The following KIRREL3 variants were observed in gnomAD, a reference collection of about 807,000 sequenced individuals.
KIRREL3 encodes the protein kin of IRRE-like protein 3.
A neutral mutation model predicts 89.7 loss-of-function variants in KIRREL3; 36 were observed. That is an observed-to-expected ratio of 0.40 (90% CI 0.31 to 0.53). The LOEUF (loss-of-function observed/expected upper bound fraction) is 0.53, where lower values mean the gene tolerates loss of function less well. KIRREL3 is among the 20% of genes least tolerant of loss of function. The probability of loss-of-function intolerance (pLI) is 0.49; values close to 1 mark genes in which losing one functional copy is unlikely to be tolerated. For synonymous variants in KIRREL3, 445 were observed against 441.4 expected, an observed-to-expected ratio of 1.01 and a Z score of -0.10; for missense variants, 864 against 1,056.6, an observed-to-expected ratio of 0.82 and a Z score of 2.53.
Position 126,918,385 on chromosome 11 carries a change from G to A in KIRREL3, c.55+82070C>T, listed in dbSNP as rs765643471. Among the ~76,000 whole-genome samples, 46 of 152,306 alleles carry A rather than the reference G, an allele frequency of 3.0e-4. 1 individual carries two copies. In the Middle Eastern group the frequency reaches 0.01, roughly 34 times the overall value. ...TGGCAATTTGGTGCCGAATATTTAC[G>A]ACAGTGCTTTAGACCATCCAGGTAG... On this transcript the variant is annotated intron_variant, in intron 1 of 16. Coordinates refer to ENST00000525144, the MANE Select transcript of KIRREL3 (RefSeq NM_032531.4). The surrounding 1 kb of genome is among the most constrained non-coding windows in gnomAD (Gnocchi z 6.5).
In KIRREL3 at chr11:126,535,389, T is replaced by C. The variant is rs967027522; in HGVS notation, c.134-8702A>G. Among the ~76,000 whole-genome samples the C allele has an allele frequency of 4.6e-5, 7 of 152,140 alleles. No individual in the cohort carries two copies. The highest frequency in any genetic ancestry group is 1.7e-4 in the African/African-American group (7 of 41,420). On this transcript the variant is annotated intron_variant, in intron 2 of 16. Transcript: ENST00000525144. The surrounding 1 kb of genome is among the most constrained non-coding windows in gnomAD (Gnocchi z 4.5). ...GTCCCCACCAACTTCCAGTGAAACA[T>C]TGAAATGCAGAAGACCCCATGTTTC...
chr11:126,591,046 TA>T (rs1354581847), intron 1 of KIRREL3, among the ~76,000 whole-genome samples: 1 of 152,132 alleles, frequency 6.6e-6, no homozygotes, highest in Non-Finnish European at 1.5e-5. Flanking sequence ...GGTTACACGG[TA>T]AAATTACGTC....
At chr11:126,451,483 TGC>T (rs1399352306) in intron 7 of KIRREL3, among the ~76,000 whole-genome samples, 26 of 149,804 alleles carry the variant, frequency 1.7e-4, no homozygotes, top group African/African-American at 6.5e-4. Context: ...CATGTGTGTG[TGC>T]GCATGTGTGT....
In KIRREL3 at chr11:126,512,572, C is replaced by T. The variant is rs187672240; in HGVS notation, c.433+8743G>A. Among the ~76,000 whole-genome samples the T allele has an allele frequency of 8.2e-4, 125 of 152,256 alleles. 1 individual carries two copies. Among genetic ancestry groups the T allele is most frequent in the African/African-American group, 2.7e-3 (112 of 41,558 alleles). On this transcript the variant is annotated intron_variant, in intron 4 of 16. Transcript: ENST00000525144. ...GGGCCTCCTCCAGGCAGCTGCCCCC[C>T]GCATGTTATAGGAAGGGGCTTAGAT...
chr11:126,437,050 G>A (rs1389560245), intron 11 of KIRREL3, 41 bp from the exon 12 acceptor site: 1 of 1,474,094 alleles, frequency 6.8e-7, no homozygotes, highest in Non-Finnish European at 9.1e-7. Context: ...CCCACCAGAG[G>A]GGCCCAGGAC....
In KIRREL3 at chr11:126,696,605, A is replaced by G. The variant is rs1315627127; in HGVS notation, c.56-133693T>C. 3.9e-5 allele frequency among the ~76,000 whole-genome samples: 6 copies of G among 152,114 alleles called. 1 individual carries two copies. Among genetic ancestry groups the G allele is most frequent in the Admixed American group, 3.9e-4 (6 of 15,280 alleles). The stretch of plus-strand genomic sequence containing the variant: ...ACGTGATCCCCAAACGTTGCTGATC[A>G]ACACACCACAGCTGGAATCCACAGA... On this transcript the variant is annotated intron_variant, in intron 1 of 16. Transcript: ENST00000525144. The surrounding 1 kb of genome is among the most constrained non-coding windows in gnomAD (Gnocchi z 4.4).
intron 1 of KIRREL3, among the ~76,000 whole-genome samples, chr11:126,810,687 G>A (rs1951354676): frequency 6.6e-6 from 1 of 152,140 alleles, no homozygotes; most frequent in African/African-American, 2.4e-5. Flanking sequence ...CATTGAAGAG[G>A]GAAATTGCTT....
chr11:126,944,052 A>G (rs1784329), intron 1 of KIRREL3, among the ~76,000 whole-genome samples: 135,198 of 152,092 alleles, frequency 0.89, 60,262 homozygotes, highest in Middle Eastern at 0.96. Flanking sequence ...CCTACCCGGA[A>G]GAAAGGAAGA....
At chr11:126,451,335 T>TGTATGCATGTGTGAGC (rs1555109138) in intron 7 of KIRREL3, among the ~76,000 whole-genome samples, 1 of 141,088 alleles carries the variant, frequency 7.1e-6, no homozygotes, top group Non-Finnish European at 1.5e-5. Flanking sequence ...CATTAGTGAG[T>TGTATGCATGTGTGAGC]GTGTGCATGT....
chr11:126,784,353 T>G (rs577742106), intron 1 of KIRREL3, among the ~76,000 whole-genome samples: 1 of 152,296 alleles, frequency 6.6e-6, no homozygotes, highest in East Asian at 1.9e-4. Flanking sequence ...TTTTGCAACT[T>G]TTATGTATGT....
chr11:126,773,436 C>T lies in KIRREL3; in HGVS notation c.56-210524G>A, dbSNP rs1487215170. On this transcript the variant is annotated intron_variant, in intron 1 of 16. Transcript: ENST00000525144. The surrounding 1 kb of genome is among the most constrained non-coding windows in gnomAD (Gnocchi z 4.2). ...CTGGGTCTCAGGTCTGACAGCCAAC[C>T]CTGCAGATTTTGGACTTACCAGTCT... Among the ~76,000 whole-genome samples, 1 of 152,198 alleles carries T rather than the reference C, an allele frequency of 6.6e-6. No individual in the cohort carries two copies. Among genetic ancestry groups the T allele is most frequent in the East Asian group, 1.9e-4 (1 of 5,198 alleles).
intron 1 of KIRREL3, among the ~76,000 whole-genome samples, chr11:126,598,360 T>C (rs1201732278): frequency 6.6e-6 from 1 of 152,230 alleles, no homozygotes; most frequent in Non-Finnish European, 1.5e-5. Flanking sequence ...ATTGTTGGTG[T>C]GGCAGGTTAC....
In KIRREL3 at chr11:126,605,703, T is replaced by C. The variant is rs961054765; in HGVS notation, c.56-42791A>G. Reference sequence around the variant, plus strand: ...CCACACATATCCGTCATGCTGGGCCTGGAGCTGTGCGTCCCGCCTGAGTTG... The same window carrying C: ...CCACACATATCCGTCATGCTGGGCCCGGAGCTGTGCGTCCCGCCTGAGTTG... On this transcript the variant is annotated intron_variant, in intron 1 of 16. Coordinates refer to ENST00000525144, the MANE Select transcript of KIRREL3 (RefSeq NM_032531.4). The surrounding 1 kb of genome is among the most constrained non-coding windows in gnomAD (Gnocchi z 5.7). Among the ~76,000 whole-genome samples, 1 of 152,200 alleles carries C rather than the reference T, an allele frequency of 6.6e-6. No individual in the cohort carries two copies. Among genetic ancestry groups the C allele is most frequent in the Non-Finnish European group, 1.5e-5 (1 of 68,018 alleles).
At chr11:126,447,216 C>T (rs1048918108) in intron 8 of KIRREL3, among the ~76,000 whole-genome samples, 5 of 152,230 alleles carry the variant, frequency 3.3e-5, no homozygotes, top group Non-Finnish European at 5.9e-5. Context: ...ATCCCCTTCC[C>T]TCTGTCTGGA....
At chr11:126,800,505 T>G (rs1950997768) in intron 1 of KIRREL3, among the ~76,000 whole-genome samples, 2 of 152,180 alleles carry the variant, frequency 1.3e-5, no homozygotes, top group South Asian at 4.1e-4. Flanking sequence ...GATTTCTCCC[T>G]TAATTAAGAT....
In KIRREL3 at chr11:126,578,536, G is replaced by C. The variant is rs183248686; in HGVS notation, c.56-15624C>G. ...AGAACTTGGGGTGTGGCGTGTCCCTGTGGGTGGACACATTGTGAACAGTAA... is the reference window on the plus strand; with the variant it reads ...AGAACTTGGGGTGTGGCGTGTCCCTCTGGGTGGACACATTGTGAACAGTAA... On this transcript the variant is annotated intron_variant, in intron 1 of 16. Transcript: ENST00000525144. This position sits in a 1 kb window ranked among gnomAD's most constrained non-coding sequence, Gnocchi z 4.9. 1.3e-5 allele frequency among the ~76,000 whole-genome samples: 2 copies of C among 152,314 alleles called. No homozygotes were observed. The highest frequency in any genetic ancestry group is 3.9e-4 in the East Asian group (2 of 5,176).
chr11:126,799,383 C>T (rs367963546), intron 1 of KIRREL3, among the ~76,000 whole-genome samples: 81 of 5,950 alleles, frequency 0.014, no homozygotes, highest in Admixed American at 0.03. Flanking sequence ...TGTGTGCATG[C>T]GTGTATCTGT....
chr11:126,731,485 C>T (rs1166868474), intron 1 of KIRREL3, among the ~76,000 whole-genome samples: 1 of 152,226 alleles, frequency 6.6e-6, no homozygotes, highest in African/African-American at 2.4e-5. Flanking sequence ...CTCATGTCTA[C>T]CTTTCACATT....
At chr11:126,902,301 C>T (rs1211227454) in intron 1 of KIRREL3, among the ~76,000 whole-genome samples, 1 of 152,220 alleles carries the variant, frequency 6.6e-6, no homozygotes, top group Non-Finnish European at 1.5e-5. Flanking sequence ...AGGTGGCACA[C>T]ACTTTCGTGT....
Sources: gnomAD v4.1 joint callset for allele counts (sites outside exome capture counted in the v4.1 genomes callset) on GRCh38, gnomAD v4.1.1 for gene constraint, Gnocchi (gnomAD v3.1) non-coding constraint, MANE v1.5 for transcripts, NCBI Gene and HGNC (gene_info 2026-07-23, HGNC 2026-07-21) for gene names.